B3GALT1: variants seen among roughly 807,000 people sequenced by gnomAD.
The protein encoded by B3GALT1 is UDP-Gal:betaGlcNAc beta 1,3-galactosyltransferase, polypeptide 1.
B3GALT1 carries 10 observed loss-of-function variants against 23.2 expected under a neutral mutation model. The ratio of observed to expected loss-of-function variants is 0.43; its 90% CI spans 0.27 to 0.73. The LOEUF is 0.73. Ranked by LOEUF, B3GALT1 falls within the 30% of genes least tolerant of loss-of-function variation. The pLI is 0.21. For missense variants in B3GALT1, 299 were observed against 405.4 expected, an observed-to-expected ratio of 0.74 and a Z score of 2.25; for synonymous variants, 156 against 141.5, an observed-to-expected ratio of 1.10 and a Z score of -0.73.
At chr2:167,593,725 G>A (rs982750705) in intron 2 of B3GALT1, among the ~76,000 whole-genome samples, 14 of 152,196 alleles carry the variant, frequency 9.2e-5, no homozygotes, top group Non-Finnish European at 2.1e-4. Flanking sequence ...AGGAACAAGG[G>A]CAGCCAAGGT....
intron 4 of B3GALT1, among the ~76,000 whole-genome samples, chr2:167,851,863 C>T (rs764126280): frequency 3.3e-5 from 5 of 152,146 alleles, no homozygotes; most frequent in Non-Finnish European, 7.3e-5. Flanking sequence ...TGGGGAGACA[C>T]GGAGCACATT....
At chr2:167,480,061 C>G (rs893881388) in intron 1 of B3GALT1, among the ~76,000 whole-genome samples, 1 of 152,056 alleles carries the variant, frequency 6.6e-6, no homozygotes, top group Admixed American at 6.6e-5. Context: ...ATCTGGAAAG[C>G]GCAATCTTGG....
At chr2:167,755,076 C>T (rs1687795857) in intron 3 of B3GALT1, among the ~76,000 whole-genome samples, 1 of 152,110 alleles carries the variant, frequency 6.6e-6, no homozygotes, top group Non-Finnish European at 1.5e-5. Flanking sequence ...AGGTAGCCCC[C>T]AGTTTCAAAC....
chr2:167,352,967 C>T (rs1465748389), intron 1 of B3GALT1, among the ~76,000 whole-genome samples: 1 of 151,922 alleles, frequency 6.6e-6, no homozygotes, highest in Non-Finnish European at 1.5e-5. Flanking sequence ...ATTTGAGGTG[C>T]CAAGAGATTA....
At chr2:167,299,388 C>T (rs1325943688) in intron 1 of B3GALT1, among the ~76,000 whole-genome samples, 1 of 152,154 alleles carries the variant, frequency 6.6e-6, no homozygotes, top group Non-Finnish European at 1.5e-5. Context: ...ATAGTTAGGC[C>T]TCCTCAATTC....
At chr2:167,536,748 C>T (rs1683435200) in intron 2 of B3GALT1, among the ~76,000 whole-genome samples, 1 of 152,082 alleles carries the variant, frequency 6.6e-6, no homozygotes, top group Admixed American at 6.5e-5. Context: ...CCTGAAGGAA[C>T]CAATGTACCC....
intron 1 of B3GALT1, among the ~76,000 whole-genome samples, chr2:167,393,442 C>A (rs1159564328): frequency 6.6e-6 from 1 of 151,756 alleles, no homozygotes; most frequent in East Asian, 1.9e-4. Flanking sequence ...CTGAAAGCAA[C>A]ATGGATCTCA....
At chr2:167,810,701 T>C (rs1045787009) in intron 3 of B3GALT1, among the ~76,000 whole-genome samples, 1 of 151,264 alleles carries the variant, frequency 6.6e-6, no homozygotes, top group African/African-American at 2.5e-5. Flanking sequence ...TCCCACTGCA[T>C]GCCCGACACA....
rs961003456 is a variant in B3GALT1 at position 167,439,687 on chromosome 2, A to G, written c.-510-50490A>G. 7.2e-5 allele frequency among the ~76,000 whole-genome samples: 11 copies of G among 152,282 alleles called. No homozygotes were observed. The South Asian group carries it at 1.2e-3, about 17-fold the overall frequency. On this transcript the variant is annotated intron_variant, in intron 1 of 4. Transcript: ENST00000392690. ...ACTGAAAATTATCATTAAGTTTTCA[A>G]TAGATGTATTTAAATACAAATTTTG...
intron 1 of B3GALT1, among the ~76,000 whole-genome samples, chr2:167,397,299 T>C (rs79821788): frequency 7.0e-6 from 1 of 142,782 alleles, no homozygotes; most frequent in Non-Finnish European, 1.5e-5. Flanking sequence ...TCCTTTTTTT[T>C]CCACCTCTTC....
At chr2:167,295,709 G>T (rs1696339080) in intron 1 of B3GALT1, among the ~76,000 whole-genome samples, 1 of 152,002 alleles carries the variant, frequency 6.6e-6, no homozygotes, top group Non-Finnish European at 1.5e-5. Flanking sequence ...ATTGGAGTAA[G>T]CCACAAGTCT....
intron 2 of B3GALT1, among the ~76,000 whole-genome samples, chr2:167,523,467 C>G (rs1322664066): frequency 3.3e-5 from 5 of 151,672 alleles, no homozygotes; most frequent in African/African-American, 1.2e-4. Context: ...CTCCTGTCAC[C>G]CAGGCTGGAG....
At chr2:167,653,412 G>A (rs562065366) in intron 3 of B3GALT1, among the ~76,000 whole-genome samples, 4 of 152,202 alleles carry the variant, frequency 2.6e-5, no homozygotes, top group East Asian at 3.9e-4. Context: ...AAACTCAGCC[G>A]TGCCCATGAT....
chr2:167,500,223 A>G (rs1209277093), intron 2 of B3GALT1, among the ~76,000 whole-genome samples: 1 of 152,190 alleles, frequency 6.6e-6, no homozygotes, highest in Non-Finnish European at 1.5e-5. Context: ...GTCAATCTTA[A>G]TTGAACAAAT....
chr2:167,602,333 C>A (rs1558921079), intron 2 of B3GALT1, among the ~76,000 whole-genome samples: 1 of 152,136 alleles, frequency 6.6e-6, no homozygotes, highest in South Asian at 2.1e-4. Flanking sequence ...AGACAGAGAG[C>A]TGCAGTGCCA....
rs546328183 is a variant in B3GALT1, at chr2:167,507,122, A to G, written c.-410+16845A>G. On this transcript the variant is annotated intron_variant, in intron 2 of 4. Transcript: ENST00000392690. ...TGCCAAATATTTCTTAAAAAAATACATTATTAAGAGAATGTGGTTCTGCCA... is the reference window on the plus strand; with the variant it reads ...TGCCAAATATTTCTTAAAAAAATACGTTATTAAGAGAATGTGGTTCTGCCA... Among the ~76,000 whole-genome samples, 236 of 152,342 alleles carry G rather than the reference A, an allele frequency of 1.5e-3. 1 individual carries two copies. Among genetic ancestry groups the G allele is most frequent in the Non-Finnish European group, 2.9e-3 (199 of 68,036 alleles).
chr2:167,725,324 A>G (rs980548370), intron 3 of B3GALT1, among the ~76,000 whole-genome samples: 1 of 152,092 alleles, frequency 6.6e-6, no homozygotes, highest in Non-Finnish European at 1.5e-5. Flanking sequence ...GTACTTTGCA[A>G]CCAAGCCAGT....
chr2:167,493,051 A>C (rs762428021), intron 2 of B3GALT1, among the ~76,000 whole-genome samples: 3 of 152,212 alleles, frequency 2.0e-5, no homozygotes, highest in Non-Finnish European at 2.9e-5. Context: ...AAAATAGGCC[A>C]TGTTTGATGC....
At chr2:167,823,431 G>A (rs1483550093) in intron 4 of B3GALT1, among the ~76,000 whole-genome samples, 2 of 152,118 alleles carry the variant, frequency 1.3e-5, no homozygotes, top group African/African-American at 4.8e-5. Flanking sequence ...GGAGCAGATG[G>A]TCATTAAAAT....
Sources: allele counts gnomAD v4.1 joint callset (sites outside exome capture counted in the v4.1 genomes callset), GRCh38; gene constraint gnomAD v4.1.1; transcripts MANE v1.5; gene names NCBI Gene and HGNC (gene_info 2026-07-23, HGNC 2026-07-21).